Variants in DMXL2 observed in about 807,000 individuals in gnomAD.
DMXL2 encodes the protein dmX-like protein 2.
In DMXL2, 103 loss-of-function variants were observed where a neutral mutation model predicts 331.1. That is an observed-to-expected ratio of 0.31 (90% CI 0.27 to 0.37). The LOEUF (loss-of-function observed/expected upper bound fraction) is 0.37, where lower values mean the gene tolerates loss of function less well. Ranked by LOEUF, DMXL2 falls within the 10% of genes least tolerant of loss-of-function variation. DMXL2 has a pLI of 1.00. For missense variants in DMXL2, 3,171 were observed against 3,642.9 expected (o/e 0.87, Z 3.33); for synonymous variants, 1,281 against 1,252.1 (o/e 1.02, Z -0.49).
At chr15:51,606,495 A>G (rs1366731126) in intron 1 of DMXL2, among the ~76,000 whole-genome samples, 2 of 152,098 alleles carry the variant, frequency 1.3e-5, no homozygotes, top group African/African-American at 4.8e-5. Flanking sequence ...GCGCCCGGCC[A>G]CTTGTAGAGA....
intron 3 of DMXL2, among the ~76,000 whole-genome samples, chr15:51,565,819 T>G (rs1004998113): frequency 6.6e-6 from 1 of 152,254 alleles, no homozygotes; most frequent in Admixed American, 6.5e-5. Flanking sequence ...AGCTATATGT[T>G]AACGGCTTGG....
chr15:51,547,763 CATTGTT>C (rs2048967737), intron 6 of DMXL2, among the ~76,000 whole-genome samples: 1 of 152,082 alleles, frequency 6.6e-6, no homozygotes, highest in Admixed American at 6.6e-5. Flanking sequence ...TCTTTTCAGT[CATTGTT>C]ATCCTTTCCT....
intron 18 of DMXL2, among the ~76,000 whole-genome samples, chr15:51,495,460 C>T (rs1208741752): frequency 2.0e-5 from 3 of 152,014 alleles, no homozygotes; most frequent in Non-Finnish European, 4.4e-5. Context: ...AAGTTAGGTA[C>T]AACTTTTAAT....
intron 29 of DMXL2, among the ~76,000 whole-genome samples, chr15:51,469,975 C>G (rs950328993): frequency 4.1e-4 from 63 of 152,144 alleles, no homozygotes; most frequent in Non-Finnish European, 8.5e-4. Flanking sequence ...CACATTAGAA[C>G]CATCTGGAGA....
intron 33 of DMXL2, among the ~76,000 whole-genome samples, chr15:51,462,551 G>A (rs1033562882): frequency 5.9e-5 from 9 of 152,068 alleles, no homozygotes; most frequent in Non-Finnish European, 1.0e-4. Flanking sequence ...TGGTCAGGCT[G>A]GTCATGAACT....
At position 51,538,464 on chromosome 15, in the gene DMXL2, A is replaced by G; in HGVS notation, c.1106-12T>C. Reference sequence around the variant, plus strand: ...GACATTTGGAATATCTGTGGAAATAAAAGAGATTTCAATATAATTTTTTTT... The same window carrying G: ...GACATTTGGAATATCTGTGGAAATAGAAGAGATTTCAATATAATTTTTTTT... On this transcript the variant is annotated splice_polypyrimidine_tract_variant and intron_variant, in intron 9 of 43. Coordinates refer to ENST00000560891, the MANE Select transcript of DMXL2 (RefSeq NM_001378457.1). 1 of 1,562,996 alleles carries G rather than the reference A, an allele frequency of 6.4e-7. No homozygotes were observed. The highest frequency in any genetic ancestry group is 8.6e-7 in the Non-Finnish European group (1 of 1,157,084).
chr15:51,469,771 C>T (rs979814427), intron 29 of DMXL2, among the ~76,000 whole-genome samples: 1 of 152,132 alleles, frequency 6.6e-6, no homozygotes, highest in Non-Finnish European at 1.5e-5. Flanking sequence ...GGAGTGGGAA[C>T]TGCCTATACA....
At position 51,481,444 on chromosome 15, in the gene DMXL2, T is replaced by A. The variant is rs1246226398; in HGVS notation, c.5662A>T (p.Thr1888Ser). The change falls in exon 24 of 44, where the codon ACT (threonine) becomes TCT (serine). Residue 1888 changes from threonine to serine, a missense_variant. Coordinates refer to ENST00000560891, the MANE Select transcript of DMXL2 (RefSeq NM_001378457.1). ...NLIERKLFFT[T>S]ANAHFKVGCP... ...CCAACTTTAAAATGAGCATTTGCAG[T>A]GGTAAAGAATAATTTTCTTTCTATG... 1 of 1,612,434 alleles carries A rather than the reference T, an allele frequency of 6.2e-7. No individual in the cohort carries two copies. The highest frequency in any genetic ancestry group is 1.3e-5 in the African/African-American group (1 of 74,782).
At chr15:51,524,414 C>T (rs184718952) in intron 13 of DMXL2, among the ~76,000 whole-genome samples, 4 of 152,108 alleles carry the variant, frequency 2.6e-5, no homozygotes, top group Admixed American at 6.5e-5. Context: ...AACCACTATA[C>T]GAAAAAAAGC....
At chr15:51,617,490 AGACTCCCC>A (rs889789115) in intron 1 of DMXL2, among the ~76,000 whole-genome samples, 4 of 152,222 alleles carry the variant, frequency 2.6e-5, no homozygotes, top group African/African-American at 9.6e-5. Flanking sequence ...AAAGGAGGTC[AGACTCCCC>A]GACTGTGAGG....
chr15:51,611,791 T>G (rs1256341404), intron 1 of DMXL2, among the ~76,000 whole-genome samples: 1 of 152,148 alleles, frequency 6.6e-6, no homozygotes, highest in Non-Finnish European at 1.5e-5. Context: ...GATTGTAAAA[T>G]GCACCAATCA....
intron 1 of DMXL2, among the ~76,000 whole-genome samples, chr15:51,620,289 T>C (rs1353718781): frequency 1.3e-5 from 2 of 152,180 alleles, no homozygotes; most frequent in Non-Finnish European, 2.9e-5. Flanking sequence ...TGAGATGGTG[T>C]GCAAAATGGG....
chr15:51,618,810 C>A (rs1185019867), intron 1 of DMXL2, among the ~76,000 whole-genome samples: 1 of 152,184 alleles, frequency 6.6e-6, no homozygotes, highest in Non-Finnish European at 1.5e-5. Context: ...GTTTTCCCAA[C>A]TACAATCTCT....
rs1409127403 is a variant in DMXL2, at chr15:51,463,446, A to C, written c.7859T>G (p.Val2620Gly). Residue 2620 changes from valine (V) to glycine (G), a missense_variant, in exon 33 of 44, where the codon GTT becomes GGT. This residue lies in a region of DMXL2 where 766 missense variants were observed against 940.5 expected (regional missense o/e 0.81). Transcript: ENST00000560891. ...TGTCTCTTGAAGGACCTCTTGTTTA[A>C]CAAGGAAATGCCAAAGTCGTTTGAC... ...FPVKRLWHFL[V>G]KQEVLQETFI... The C allele has an allele frequency of 1.2e-6, 2 of 1,601,804 alleles. No homozygotes were observed.
rs1566975012 is a variant in DMXL2 at position 51,456,048 on chromosome 15, T to C, written c.8526+18A>G. Reference sequence around the variant, plus strand: ...AACTATTTTCAGATGAATTCAGCAGTAGCCCCCAGAAACTAACCTTGTTGC... The same window carrying C: ...AACTATTTTCAGATGAATTCAGCAGCAGCCCCCAGAAACTAACCTTGTTGC... On this transcript the variant is annotated intron_variant, in intron 39 of 43. Transcript: ENST00000560891. The C allele has an allele frequency of 6.2e-7, 1 of 1,612,980 alleles. No individual in the cohort carries two copies. Among genetic ancestry groups the C allele is most frequent in the Non-Finnish European group, 8.5e-7 (1 of 1,179,272 alleles).
In DMXL2 at chr15:51,481,223, G is replaced by A; in HGVS notation, c.5883C>T (p.Asp1961=). The part of the protein sequence containing the change: ...EWSNVTSSQY[D]WSQPIVKVDE... Reference sequence around the variant, plus strand: ...CAACTTTTACTATTGGCTGACTCCAGTCATACTGTGATGAAGTTACATTTG... The same window carrying A: ...CAACTTTTACTATTGGCTGACTCCAATCATACTGTGATGAAGTTACATTTG... Residue 1961 remains aspartate (D), a synonymous_variant, in exon 24 of 44, where the codon GAC becomes GAT. Transcript: ENST00000560891. The A allele has an allele frequency of 1.9e-6, 3 of 1,613,984 alleles. No individual in the cohort carries two copies. The highest frequency in any genetic ancestry group is 2.5e-6 in the Non-Finnish European group (3 of 1,179,946).
intron 6 of DMXL2, among the ~76,000 whole-genome samples, chr15:51,557,406 T>C (rs1169014657): frequency 6.6e-6 from 1 of 152,156 alleles, no homozygotes; most frequent in Admixed American, 6.5e-5. Context: ...TACATCATGT[T>C]CATAAACGGG....
chr15:51,520,821 C>CA (rs1410953277), intron 13 of DMXL2, among the ~76,000 whole-genome samples: 3 of 152,142 alleles, frequency 2.0e-5, no homozygotes, highest in Non-Finnish European at 4.4e-5. Context: ...CGCGCCACTG[C>CA]ACTCCAGCCT....
chr15:51,474,000 T>C (rs142558188), intron 28 of DMXL2, among the ~76,000 whole-genome samples: 1 of 150,050 alleles, frequency 6.7e-6, no homozygotes, highest in African/African-American at 2.5e-5. Flanking sequence ...ATCCGTTTTG[T>C]TTTTGCTTTT....
Sources: allele counts gnomAD v4.1 joint callset (sites outside exome capture counted in the v4.1 genomes callset), GRCh38; gene constraint gnomAD v4.1.1; regional missense constraint gnomAD v4.1.1; transcripts MANE v1.5; gene names NCBI Gene and HGNC (gene_info 2026-07-23, HGNC 2026-07-21).